LMAN2: variants seen among roughly 807,000 people sequenced by gnomAD.
The protein encoded by LMAN2 is lectin, mannose binding 2.
A neutral mutation model predicts 39.3 loss-of-function variants in LMAN2; 22 were observed. The ratio of observed to expected loss-of-function variants is 0.56; its 90% CI spans 0.40 to 0.80. The LOEUF is 0.80. Ranked by LOEUF, LMAN2 falls within the 30% of genes least tolerant of loss-of-function variation. The probability of loss-of-function intolerance (pLI) is 0.00; values close to 1 mark genes in which losing one functional copy is unlikely to be tolerated. For synonymous variants in LMAN2, 207 were observed against 207.8 expected, an observed-to-expected ratio of 1.00 and a Z score of 0.03; for missense variants, 494 against 505.4, an observed-to-expected ratio of 0.98 and a Z score of 0.22.
At chr5:177,343,360 T>C (rs1442282127) in intron 2 of LMAN2, among the ~76,000 whole-genome samples, 4 of 152,128 alleles carry the variant, frequency 2.6e-5, no homozygotes, top group African/African-American at 9.7e-5. Flanking sequence ...CAGAAAACCG[T>C]TTGGTAGTCC....
Position 177,334,268 on chromosome 5 carries a change from G to T in LMAN2, c.910+16C>A. 6.2e-7 allele frequency: 1 copy of T among 1,609,142 alleles called. No homozygotes were observed. Among genetic ancestry groups the T allele is most frequent in the Non-Finnish European group, 8.5e-7 (1 of 1,178,730 alleles). On this transcript the variant is annotated intron_variant, in intron 7 of 7. Transcript: ENST00000303127. ...GGCCGCCCAGGCCCAGGCAGGGCGG[G>T]GCTGTGCACACGCACCTTTGGGCGA...
At chr5:177,349,217 C>G (rs916892525) in intron 2 of LMAN2, among the ~76,000 whole-genome samples, 6 of 152,184 alleles carry the variant, frequency 3.9e-5, no homozygotes, top group African/African-American at 1.4e-4. Flanking sequence ...AGACCACCCC[C>G]CCTGCACCAC....
intron 2 of LMAN2, among the ~76,000 whole-genome samples, chr5:177,342,275 A>T (rs1761565211): frequency 6.6e-6 from 1 of 151,978 alleles, no homozygotes. Flanking sequence ...GGAGGCCATC[A>T]TGGGAGGTTT....
In LMAN2 at chr5:177,331,708, G is replaced by A. The variant is rs183587128; in HGVS notation, c.*378C>T. Reference sequence around the variant, plus strand: ...TTTCCCAGTTCAGGCCTTATCCGTCGCCACACGTGCCACACACCACAAAAC... The same window carrying A: ...TTTCCCAGTTCAGGCCTTATCCGTCACCACACGTGCCACACACCACAAAAC... On this transcript the variant is annotated 3_prime_UTR_variant, in exon 8 of 8. Coordinates refer to ENST00000303127, the MANE Select transcript of LMAN2 (RefSeq NM_006816.3). The A allele has an allele frequency of 2.3e-4, 38 of 167,442 alleles. 1 individual carries two copies. In the South Asian group the frequency reaches 2.5e-3, roughly 11 times the overall value. The allele number at this position is 167,442 out of a possible 1,614,324, so 10.4% of individuals were successfully genotyped here.
At chr5:177,345,912 C>T (rs1046574560) in intron 2 of LMAN2, among the ~76,000 whole-genome samples, 1 of 152,016 alleles carries the variant, frequency 6.6e-6, no homozygotes, top group East Asian at 1.9e-4. Context: ...GGACTACAAG[C>T]GCCCGCCACC....
intron 2 of LMAN2, among the ~76,000 whole-genome samples, chr5:177,347,296 C>T (rs2127319388): frequency 6.6e-6 from 1 of 152,094 alleles, no homozygotes; most frequent in South Asian, 2.1e-4. Context: ...AAAGGAAAAC[C>T]CACACACCCA....
intron 2 of LMAN2, among the ~76,000 whole-genome samples, chr5:177,340,876 T>C (rs1478962690): frequency 1.3e-5 from 2 of 151,422 alleles, no homozygotes; most frequent in Non-Finnish European, 2.9e-5. Context: ...TGCCTCAGCC[T>C]CCCCAGTAGT....
chr5:177,340,769 C>CA (rs1220439758), intron 2 of LMAN2, among the ~76,000 whole-genome samples: 2 of 145,828 alleles, frequency 1.4e-5, no homozygotes, highest in Admixed American at 6.8e-5. Flanking sequence ...GACTCTTTCT[C>CA]AAAAAAAATC....
chr5:177,345,777 A>ATTTT (rs1445864558), intron 2 of LMAN2, among the ~76,000 whole-genome samples: 1 of 149,416 alleles, frequency 6.7e-6, no homozygotes, highest in Non-Finnish European at 1.5e-5. Flanking sequence ...TTATTTATTT[A>ATTTT]TTTATTTTTT....
At chr5:177,346,263 C>A (rs1402374128) in intron 2 of LMAN2, 2 of 244,914 alleles carry the variant, frequency 8.2e-6, no homozygotes, top group Non-Finnish European at 1.7e-5. Context: ...CGAGAATCAC[C>A]ACAAGAAAAA....
intron 6 of LMAN2, among the ~76,000 whole-genome samples, chr5:177,336,716 G>C (rs1188230182): frequency 6.6e-6 from 1 of 152,244 alleles, no homozygotes; most frequent in African/African-American, 2.4e-5. Context: ...GGCTGAGCAG[G>C]TCCAGAGCGG....
chr5:177,341,224 G>A (rs962028414), intron 2 of LMAN2, among the ~76,000 whole-genome samples: 1 of 151,788 alleles, frequency 6.6e-6, no homozygotes, highest in African/African-American at 2.4e-5. Context: ...GCGCCACTAC[G>A]CCTGGCTAAT....
rs1437452007 is a variant in LMAN2, at chr5:177,332,302, G to GC, written c.911-57dup. The GC allele has an allele frequency of 6.5e-7, 1 of 1,531,304 alleles. No homozygotes were observed. The highest frequency in any genetic ancestry group is 2.3e-5 in the East Asian group (1 of 43,778). The allele number at this position is 1,531,304 out of a possible 1,614,324, so 94.9% of individuals were successfully genotyped here. On this transcript the variant is annotated intron_variant, in intron 7 of 7. Coordinates refer to ENST00000303127, the MANE Select transcript of LMAN2 (RefSeq NM_006816.3). The surrounding 1 kb of genome is among the most constrained non-coding windows in gnomAD (Gnocchi z 6.3). ...GGCAGCACGGGCCGGGGATCAGGGG[G>GC]CTGCAGGAGGGCAGTGGGGATGGAA...
At chr5:177,345,372 T>C (rs961990518) in intron 2 of LMAN2, among the ~76,000 whole-genome samples, 1 of 148,680 alleles carries the variant, frequency 6.7e-6, no homozygotes, top group African/African-American at 2.5e-5. Flanking sequence ...AGCCACTCTT[T>C]CAATGTCAAT....
Position 177,344,958 on chromosome 5 carries a change from GAAGA to G in LMAN2, c.315+6211_315+6214del, listed in dbSNP as rs544226075. On this transcript the variant is annotated intron_variant, in intron 2 of 7. Transcript: ENST00000303127. ...GAAAGAAGAGAAGAGAAAAGAAAAGGAAGAAAGATTTGAGAAATTTTCTTGCATG... is the reference window on the plus strand; with the variant it reads ...GAAAGAAGAGAAGAGAAAAGAAAAGGAAGATTTGAGAAATTTTCTTGCATG... Among the ~76,000 whole-genome samples the G allele has an allele frequency of 9.0e-3, 1,337 of 148,790 alleles. 29 individuals are homozygous for G. The highest frequency in any genetic ancestry group is 8.8e-3 in the Non-Finnish European group (595 of 67,950).
At chr5:177,341,578 T>C (rs1363562048) in intron 2 of LMAN2, among the ~76,000 whole-genome samples, 1 of 152,058 alleles carries the variant, frequency 6.6e-6, no homozygotes, top group African/African-American at 2.4e-5. Flanking sequence ...GAAGGTAAAA[T>C]AAAGATATTT....
rs371401137 is a variant in LMAN2, at chr5:177,334,265, C to T, written c.910+19G>A. 36 of 1,607,048 alleles carry T rather than the reference C, an allele frequency of 2.2e-5. No homozygotes were observed. Among genetic ancestry groups the T allele is most frequent in the Admixed American group, 6.7e-5 (4 of 59,764 alleles). On this transcript the variant is annotated intron_variant, in intron 7 of 7. Coordinates refer to ENST00000303127, the MANE Select transcript of LMAN2 (RefSeq NM_006816.3). ...TCAGGCCGCCCAGGCCCAGGCAGGG[C>T]GGGGCTGTGCACACGCACCTTTGGG...
In LMAN2 at chr5:177,337,845, TA is replaced by T. The variant is rs1363432275; in HGVS notation, c.434-61del. On this transcript the variant is annotated intron_variant, in intron 3 of 7. Coordinates refer to ENST00000303127, the MANE Select transcript of LMAN2 (RefSeq NM_006816.3). This position sits in a 1 kb window ranked among gnomAD's most constrained non-coding sequence, Gnocchi z 8.2. ...AAACAGGAGCCGTCCCATGGGTACC[TA>T]AAAGGCAAGCAATGCCAACATGGGT... 15 of 1,504,620 alleles carry T rather than the reference TA, an allele frequency of 1.0e-5. No individual in the cohort carries two copies. The highest frequency in any genetic ancestry group is 1.4e-5 in the Non-Finnish European group (15 of 1,091,304). 93.2% of individuals were successfully genotyped at this position (1,504,620 alleles called of 1,614,324 possible).
rs1761433882 is a variant in LMAN2, at chr5:177,334,154, C to T, written c.910+130G>A. ...GCCAGCCAGTGCCGCTTGCCAGGAC[C>T]GGGCTGATCCAAGAGCCCAGACCAC... On this transcript the variant is annotated intron_variant, in intron 7 of 7. Transcript: ENST00000303127. The T allele has an allele frequency of 9.7e-6, 14 of 1,441,690 alleles. No homozygotes were observed. In the East Asian group the frequency reaches 1.7e-4, roughly 17 times the overall value. 89.3% of individuals were successfully genotyped at this position (1,441,690 alleles called of 1,614,324 possible). A position where few individuals can be genotyped will look rare whatever the true frequency, so the allele number is the denominator to read the frequency against.
Sources: gnomAD v4.1 joint callset for allele counts (sites outside exome capture counted in the v4.1 genomes callset) on GRCh38, gnomAD v4.1.1 for gene constraint, Gnocchi (gnomAD v3.1) non-coding constraint, MANE v1.5 for transcripts, NCBI Gene and HGNC (gene_info 2026-07-23, HGNC 2026-07-21) for gene names.